ADAM33: variants seen among roughly 807,000 people sequenced by gnomAD.
The protein encoded by ADAM33 is ADAM metallopeptidase domain 33, also known as disintegrin and metalloproteinase domain-containing protein 33.
Under a neutral mutation model 106.2 loss-of-function variants are expected in ADAM33, and 103 were observed. The observed-to-expected ratio is 0.97, with a 90% confidence interval of 0.83 to 1.14. The LOEUF (loss-of-function observed/expected upper bound fraction) is 1.14. ADAM33 is among the 50% of genes most tolerant of loss of function. The pLI, the probability that ADAM33 is intolerant of heterozygous loss-of-function variation, is 0.00. For synonymous variants in ADAM33, 483 were observed against 453.0 expected (o/e 1.07, Z -0.84); for missense variants, 1,120 against 1,096.6 (o/e 1.02, Z -0.30).
intron 2 of ADAM33, among the ~76,000 whole-genome samples, chr20:3,678,569 C>T (rs2088173650): frequency 6.6e-6 from 1 of 152,242 alleles, no homozygotes. Context: ...TTGGGAGCTG[C>T]TGGGTCTCTG....
intron 6 of ADAM33, 71 bp downstream of exon 6, chr20:3,674,433 A>G: frequency 6.2e-7 from 1 of 1,602,574 alleles, no homozygotes; most frequent in Non-Finnish European, 8.5e-7. Flanking sequence ...AGGCCTGTGA[A>G]TTCCCGTCTC....
chr20:3,669,708 T>G, intron 19 of ADAM33, 71 bp from the exon 20 acceptor site: 1 of 1,373,130 alleles, frequency 7.3e-7, no homozygotes, highest in African/African-American at 1.4e-5. Context: ...CCCCGCAGCA[T>G]GGTGTCCAGC....
chr20:3,678,942 A>C (rs140894838), intron 2 of ADAM33, among the ~76,000 whole-genome samples: 6 of 152,154 alleles, frequency 3.9e-5, no homozygotes, highest in African/African-American at 1.4e-4. Flanking sequence ...CCTGCAGAAG[A>C]AGCACATGGG....
At position 3,671,252 on chromosome 20, in the gene ADAM33, G is replaced by A. The variant is rs1310490977; in HGVS notation, c.2077C>T (p.Pro693Ser). The change falls in exon 18 of 22, where the codon CCT becomes TCT. Residue 693 changes from proline (P) to serine (S), a missense_variant. Pro to Ser is a moderately conservative substitution (Grantham distance 74). Transcript: ENST00000356518. The part of the protein sequence containing the change: ...PGFGGSMDSG[P>S]VQAENHDTFL... ...ACTGGCATACTTTCAGCCTGCACAG[G>A]GCCACTGTCCATGCTGCCACCAAAG... 3 of 1,613,932 alleles carry A rather than the reference G, an allele frequency of 1.9e-6. No individual in the cohort carries two copies. The highest frequency in any genetic ancestry group is 2.2e-5 in the South Asian group (2 of 91,084).
In ADAM33 at chr20:3,672,319, G is replaced by A; in HGVS notation, c.1412C>T (p.Ala471Val). The A allele has an allele frequency of 1.9e-6, 3 of 1,611,816 alleles. No homozygotes were observed. The highest frequency in any genetic ancestry group is 1.3e-5 in the African/African-American group (1 of 74,222). Residue 471 changes from alanine (A) to valine (V), a missense_variant, in exon 14 of 22, where the codon GCT becomes GTT. Physicochemically the swap from Ala to Val is moderately conservative, Grantham distance 64. Transcript: ENST00000356518. Reference protein sequence around the residue: ...DCCVRCLLKPAGALCRQAMGD... With the variant: ...DCCVRCLLKPVGALCRQAMGD... ...CATGGCCTGGCGGCACAGCGCTCCA[G>A]CCGGCTTCAGCTGCGCAGGTGACGG...
In ADAM33 at chr20:3,674,585, G is replaced by A. The variant is rs976413045; in HGVS notation, c.519C>T (p.Leu173=). The change falls in exon 6 of 22, where the codon CTC becomes CTT. Residue 173 remains leucine, a synonymous_variant. Coordinates refer to ENST00000356518, the MANE Select transcript of ADAM33 (RefSeq NM_025220.5). Reference sequence around the variant, plus strand: ...TGTGGCCACAGGTTCCTTTCCAGGTGAGCAGCTGCTCCATCCGAAAGATCT... The same window carrying A: ...TGTGGCCACAGGTTCCTTTCCAGGTAAGCAGCTGCTCCATCCGAAAGATCT... ...THEIFRMEQL[L]TWKGTCGHRD... 1 of 1,613,336 alleles carries A rather than the reference G, an allele frequency of 6.2e-7. No homozygotes were observed. The highest frequency in any genetic ancestry group is 8.5e-7 in the Non-Finnish European group (1 of 1,179,822).
chr20:3,681,757 C>A, intron 1 of ADAM33, 151 bp downstream of exon 1: 2 of 1,260,156 alleles, frequency 1.6e-6, no homozygotes, highest in Non-Finnish European at 2.1e-6. Context: ...GAGACCCCCC[C>A]AAAGAGTCCC....
In ADAM33 at chr20:3,673,834, C is replaced by A. The variant is rs144966028; in HGVS notation, c.816G>T (p.Thr272=). Residue 272 remains threonine, a synonymous_variant, in exon 9 of 22, where the codon ACG becomes ACT. Coordinates refer to ENST00000356518, the MANE Select transcript of ADAM33 (RefSeq NM_025220.5). ...CCCAGAGCGTGGCGTTGGCGTCCTG[C>A]GTGACGCGGCTGCGGTCCCGCTCGG... ...VWTERDRSRV[T]QDANATLWAF... 2 of 1,560,628 alleles carry A rather than the reference C, an allele frequency of 1.3e-6. No homozygotes were observed. Among genetic ancestry groups the A allele is most frequent in the Non-Finnish European group, 1.7e-6 (2 of 1,161,180 alleles).
intron 1 of ADAM33, 78 bp from the exon 2 acceptor site, chr20:3,679,649 A>G: frequency 7.5e-7 from 1 of 1,324,594 alleles, no homozygotes; most frequent in Non-Finnish European, 1.1e-6. Flanking sequence ...GGAGGGGGGT[A>G]GAGGACATCC....
intron 18 of ADAM33, 40 bp downstream of exon 18, chr20:3,671,197 A>G (rs1334651344): frequency 6.2e-7 from 1 of 1,612,634 alleles, no homozygotes; most frequent in Non-Finnish European, 8.5e-7. Flanking sequence ...GAGCAGGTGC[A>G]CCACCCCAGC....
At chr20:3,673,124 G>A (rs3918402) in intron 11 of ADAM33, 55,236 of 1,461,962 alleles carry the variant, frequency 0.038, 1,279 homozygotes, top group East Asian at 0.11. Context: ...TGCTCCTCCC[G>A]GTGTAGGAGT....
intron 13 of ADAM33, 58 bp downstream of exon 13, chr20:3,672,479 C>T (rs2087605919): frequency 6.3e-7 from 1 of 1,594,840 alleles, no homozygotes. Context: ...TAACTAAGGC[C>T]AACAGGCCGG....
chr20:3,675,011 C>CA lies in ADAM33; in HGVS notation c.333+15dup. The CA allele has an allele frequency of 6.2e-7, 1 of 1,613,316 alleles. No individual in the cohort carries two copies. The highest frequency in any genetic ancestry group is 8.5e-7 in the Non-Finnish European group (1 of 1,179,886). ...ACCTCTGGCGGTGCATCCCAGAGCC[C>CA]ATGGAAGCATCTCACCGTGTGGTTG... On this transcript the variant is annotated intron_variant, in intron 4 of 21. Transcript: ENST00000356518. The surrounding 1 kb of genome is among the most constrained non-coding windows in gnomAD (Gnocchi z 4.1).
In ADAM33 at chr20:3,673,605, C is replaced by T; in HGVS notation, c.959G>A (p.Cys320Tyr). ...CACGCCTCCCGAGCTCTCGGCGCGG[C>T]ACATGCCCTCGACGGGCGCCAGGCC... Reference protein sequence around the residue: ...TVGLAPVEGMCRAESSGGVST... With the variant: ...TVGLAPVEGMYRAESSGGVST... The change falls in exon 10 of 22, where the codon TGC becomes TAC. Residue 320 changes from cysteine (C) to tyrosine (Y), a missense_variant. Transcript: ENST00000356518. 2.2e-6 allele frequency: 3 copies of T among 1,366,390 alleles called. No individual in the cohort carries two copies. Among genetic ancestry groups the T allele is most frequent in the Non-Finnish European group, 2.8e-6 (3 of 1,067,424 alleles). 84.6% of individuals were successfully genotyped at this position (1,366,390 alleles called of 1,614,324 possible).
At position 3,671,868 on chromosome 20, in the gene ADAM33, A is replaced by C. The variant is rs2087558733; in HGVS notation, c.1706+9T>G. Reference sequence around the variant, plus strand: ...GCTTCTGCTCCCTCCACTCAGCTCCACTCCCTACCTCCCTGCACAGGGCAG... The same window carrying C: ...GCTTCTGCTCCCTCCACTCAGCTCCCCTCCCTACCTCCCTGCACAGGGCAG... On this transcript the variant is annotated intron_variant, in intron 15 of 21. Transcript: ENST00000356518. The C allele has an allele frequency of 4.5e-6, 7 of 1,550,776 alleles. No individual in the cohort carries two copies. Among genetic ancestry groups the C allele is most frequent in the Admixed American group, 2.0e-5 (1 of 50,930 alleles).
chr20:3,669,666 T>A (rs1385861508), intron 19 of ADAM33, 29 bp from the exon 20 acceptor site: 6 of 1,578,900 alleles, frequency 3.8e-6, no homozygotes, highest in Non-Finnish European at 4.3e-6. Flanking sequence ...GTCCAGGAGG[T>A]TGGCACAGTG....
At chr20:3,677,527 C>T (rs545396841) in intron 2 of ADAM33, among the ~76,000 whole-genome samples, 3 of 152,168 alleles carry the variant, frequency 2.0e-5, no homozygotes, top group Non-Finnish European at 4.4e-5. Flanking sequence ...ATGGGGGCAT[C>T]GGGTAGCCAT....
At chr20:3,672,015 G>T in intron 14 of ADAM33, 30 bp from the exon 15 acceptor site, 1 of 1,552,844 alleles carries the variant, frequency 6.4e-7, no homozygotes, top group Non-Finnish European at 8.7e-7. Flanking sequence ...GCTGGGGGCA[G>T]CTCGGAGAGG....
intron 2 of ADAM33, among the ~76,000 whole-genome samples, chr20:3,678,447 G>A (rs2088165689): frequency 6.6e-6 from 1 of 152,206 alleles, no homozygotes; most frequent in African/African-American, 2.4e-5. Context: ...TGTGTGTCCA[G>A]CCTTCCCCTC....
Sources: allele counts gnomAD v4.1 joint callset (sites outside exome capture counted in the v4.1 genomes callset), GRCh38; gene constraint gnomAD v4.1.1; non-coding constraint Gnocchi (gnomAD v3.1); transcripts MANE v1.5; gene names NCBI Gene and HGNC (gene_info 2026-07-23, HGNC 2026-07-21).